The following LTBP4 variants were observed in gnomAD, a reference collection of about 807,000 sequenced individuals.
LTBP4 encodes the protein latent transforming growth factor beta binding protein 4, also known as latent-transforming growth factor beta-binding protein 4.
LTBP4 carries 93 observed loss-of-function variants against 180.2 expected under a neutral mutation model. The ratio of observed to expected loss-of-function variants is 0.52; its 90% CI spans 0.44 to 0.61. The LOEUF is 0.61. Among genes scored for constraint, LTBP4 ranks in the 20% least tolerant of loss-of-function variants. The pLI, the probability that LTBP4 is intolerant of heterozygous loss-of-function variation, is 0.00. For missense variants in LTBP4, 2,116 were observed against 2,256.5 expected (o/e 0.94, Z 1.26); for synonymous variants, 947 against 934.5 (o/e 1.01, Z -0.24).
In LTBP4 at chr19:40,627,005, G is replaced by A. The variant is rs757090322; in HGVS notation, c.4016G>A (p.Arg1339His). The A allele has an allele frequency of 3.8e-6, 6 of 1,586,772 alleles. No homozygotes were observed. In the South Asian group the frequency reaches 4.5e-5, roughly 12 times the overall value. Residue 1339 changes from arginine to histidine, a missense_variant, in exon 28 of 30, where the codon CGC becomes CAC. Physicochemically the swap from Arg to His is conservative, Grantham distance 29. Transcript: ENST00000396819. ...DDFEALCNVL[R>H]PPAYSPPRPG... is the part of the protein sequence containing the mutation. ...TTCGAGGCCCTGTGCAATGTGCTAC[G>A]CCCCCCCGCATATAGCCCCCCGCGA...
chr19:40,601,276 G>A (rs1444923414), upstream of LTBP4: 1 of 848,422 alleles, frequency 1.2e-6, no homozygotes, highest in East Asian at 1.2e-4. Context: ...TGGTGAGGAG[G>A]GGGGGCCTGA....
At position 40,609,905 on chromosome 19, in the gene LTBP4, C is replaced by A; in HGVS notation, c.1684+34C>A. ...TTTGCCCCACCCGGCTCCAGGCCCA[C>A]CCCAGGGTCTCGCTCCTGCTCTCAC... is the stretch of plus-strand genomic sequence containing the variant. On this transcript the variant is annotated intron_variant, in intron 11 of 29. Coordinates refer to ENST00000396819, the MANE Select transcript of LTBP4 (RefSeq NM_001042545.2). This position sits in a 1 kb window ranked among gnomAD's most constrained non-coding sequence, Gnocchi z 4.9. 6 of 1,496,286 alleles carry A rather than the reference C, an allele frequency of 4.0e-6. No homozygotes were observed. The highest frequency in any genetic ancestry group is 1.4e-5 in the African/African-American group (1 of 72,150). The allele number at this position is 1,496,286 out of a possible 1,614,324, so 92.7% of individuals were successfully genotyped here.
Position 40,622,643 on chromosome 19 carries a change from C to T in LTBP4, c.3460C>T (p.Gln1154Ter). 6.2e-7 allele frequency: 1 copy of T among 1,606,336 alleles called. No homozygotes were observed. The highest frequency in any genetic ancestry group is 8.5e-7 in the Non-Finnish European group (1 of 1,175,666). The part of the protein sequence containing the change: ...GEGWGSGCRI[Q>*]QCPGTETAEY... ...GGGCTGGGGCAGCGGCTGCCGCATC[C>T]AGCAGTGCCCGGGCACCGAGACAGG... Residue 1154 changes from glutamine to a stop codon, truncating the protein, a stop_gained, in exon 23 of 30, where the codon CAG becomes TAG. Transcript: ENST00000396819. LOFTEE classifies it high-confidence loss of function. This position sits in a 1 kb window ranked among gnomAD's most constrained non-coding sequence, Gnocchi z 5.1.
intron 26 of LTBP4, 51 bp downstream of exon 26, chr19:40,624,133 A>G: frequency 6.8e-7 from 1 of 1,469,122 alleles, no homozygotes; most frequent in Non-Finnish European, 9.0e-7. Context: ...TCGGCCTCAC[A>G]CCCGCACCCG....
chr19:40,623,725 G>T lies in LTBP4; in HGVS notation c.3678G>T (p.Glu1226Asp), dbSNP rs2081603914. The stretch of plus-strand genomic sequence containing the variant: ...ACTACTACCACACACAGCGGCTGGA[G>T]TGCATCGGTACAAGCCCCACCTCCC... The part of the protein sequence containing the change: ...NGYYYHTQRL[E>D]CIDNDECADE... The change falls in exon 25 of 30, where the codon GAG becomes GAT. Residue 1226 changes from glutamate (E) to aspartate (D), a missense_variant. This residue lies in a region of LTBP4 where 278 missense variants were observed against 373.0 expected (regional missense o/e 0.75). Coordinates refer to ENST00000396819, the MANE Select transcript of LTBP4 (RefSeq NM_001042545.2). 1 of 1,613,886 alleles carries T rather than the reference G, an allele frequency of 6.2e-7. No individual in the cohort carries two copies. The highest frequency in any genetic ancestry group is 8.5e-7 in the Non-Finnish European group (1 of 1,179,872).
At chr19:40,621,968 C>G (rs757712502) in intron 22 of LTBP4, among the ~76,000 whole-genome samples, 1 of 152,146 alleles carries the variant, frequency 6.6e-6, no homozygotes, top group Non-Finnish European at 1.5e-5. Context: ...AGGCTGGTCT[C>G]GAACTCCTGA....
In LTBP4 at chr19:40,601,510, C is replaced by G. The variant is rs370611661; in HGVS notation, c.123C>G (p.Cys41Trp). ...RLRVRFTPVV[C>W]GLRCVHGPTG... is the part of the protein sequence containing the mutation. Reference sequence around the variant, plus strand: ...GCGTGCGCTTCACCCCGGTCGTGTGCGGCCTGCGCTGCGTCCATGGGCCGA... The same window carrying G: ...GCGTGCGCTTCACCCCGGTCGTGTGGGGCCTGCGCTGCGTCCATGGGCCGA... Residue 41 changes from cysteine (C) to tryptophan (W), a missense_variant, in exon 1 of 30, where the codon TGC becomes TGG. Transcript: ENST00000396819. 1 of 1,497,514 alleles carries G rather than the reference C, an allele frequency of 6.7e-7. No individual in the cohort carries two copies. The highest frequency in any genetic ancestry group is 8.8e-7 in the Non-Finnish European group (1 of 1,130,220). 92.8% of individuals were successfully genotyped at this position (1,497,514 alleles called of 1,614,324 possible).
intron 29 of LTBP4, among the ~76,000 whole-genome samples, chr19:40,628,768 C>T (rs1018682242): frequency 1.3e-5 from 2 of 152,124 alleles, no homozygotes; most frequent in East Asian, 3.9e-4. Context: ...ATTAGAAGGA[C>T]AAAGTTAATA....
Position 40,609,960 on chromosome 19 carries a change from C to G in LTBP4, c.1684+89C>G, listed in dbSNP as rs2081493068. 5 of 1,432,392 alleles carry G rather than the reference C, an allele frequency of 3.5e-6. No homozygotes were observed. The highest frequency in any genetic ancestry group is 3.7e-6 in the Non-Finnish European group (4 of 1,090,382). The allele number at this position is 1,432,392 out of a possible 1,614,324, so 88.7% of individuals were successfully genotyped here. A position where few individuals can be genotyped will look rare whatever the true frequency, so the allele number is the denominator to read the frequency against. ...GAGCCTCTCCAGCCCTCCCACGCTT[C>G]CCCTCTCGGGTCCCGCCCCAGGACT... On this transcript the variant is annotated intron_variant, in intron 11 of 29. Coordinates refer to ENST00000396819, the MANE Select transcript of LTBP4 (RefSeq NM_001042545.2). This position sits in a 1 kb window ranked among gnomAD's most constrained non-coding sequence, Gnocchi z 4.9.
At position 40,613,416 on chromosome 19, in the gene LTBP4, G is replaced by C. The variant is rs1166793106; in HGVS notation, c.2444G>C (p.Cys815Ser). 6.2e-7 allele frequency: 1 copy of C among 1,606,374 alleles called. No homozygotes were observed. The highest frequency in any genetic ancestry group is 2.2e-5 in the East Asian group (1 of 44,538). Residue 815 changes from cysteine to serine, a missense_variant, in exon 17 of 30, where the codon TGC (cysteine) becomes TCC (serine). Physicochemically the swap from Cys to Ser is moderately radical, Grantham distance 112. Around this residue, in one of 5 missense-constraint regions of LTBP4, gnomAD observed 877 missense variants for 873.6 expected, o/e 1.00. Transcript: ENST00000396819. The surrounding 1 kb of genome is among the most constrained non-coding windows in gnomAD (Gnocchi z 5.0). ...RPGPCADVNE[C>S]LEGDFCFPHG... ...CCGCGTACCCTAGACGTGAACGAGT[G>C]CCTGGAGGGCGATTTCTGCTTCCCT...
At position 40,607,430 on chromosome 19, in the gene LTBP4, C is replaced by T. The variant is rs2081471419; in HGVS notation, c.1057C>T (p.Leu353=). The change falls in exon 7 of 30, where the codon CTG becomes TTG. Residue 353 remains leucine, a synonymous_variant. Coordinates refer to ENST00000396819, the MANE Select transcript of LTBP4 (RefSeq NM_001042545.2). Reference sequence around the variant, plus strand: ...CGTGCTCCGCGACGGCGGCTGTTCGCTGCCCATTCTGCGGAACATCACTAA... The same window carrying T: ...CGTGCTCCGCGACGGCGGCTGTTCGTTGCCCATTCTGCGGAACATCACTAA... ...FRVLRDGGCS[L]PILRNITKQI... 6.2e-7 allele frequency: 1 copy of T among 1,613,158 alleles called. No individual in the cohort carries two copies. Among genetic ancestry groups the T allele is most frequent in the South Asian group, 1.1e-5 (1 of 90,940 alleles).
chr19:40,611,283 G>A lies in LTBP4; in HGVS notation c.1942G>A (p.Ala648Thr). 1 of 1,611,838 alleles carries A rather than the reference G, an allele frequency of 6.2e-7. No individual in the cohort carries two copies. Among genetic ancestry groups the A allele is most frequent in the Admixed American group, 1.7e-5 (1 of 59,662 alleles). The stretch of plus-strand genomic sequence containing the variant: ...GTGTGAAGAGGATGTGGATGAGTGT[G>A]CCCAGGAGCCGCCGCCCTGTGGGCC... The part of the protein sequence containing the change: ...SACEEDVDEC[A>T]QEPPPCGPGR... The change falls in exon 13 of 30, where the codon GCC (alanine) becomes ACC (threonine). Residue 648 changes from alanine (A) to threonine (T), a missense_variant. Physicochemically the swap from Ala to Thr is moderately conservative, Grantham distance 58. This residue lies in a region of LTBP4 where 877 missense variants were observed against 873.6 expected (regional missense o/e 1.00). Transcript: ENST00000396819. The surrounding 1 kb of genome is among the most constrained non-coding windows in gnomAD (Gnocchi z 4.4).
intron 6 of LTBP4, 87 bp from the exon 7 acceptor site, chr19:40,607,278 C>CCCCCCA: frequency 8.9e-7 from 1 of 1,119,232 alleles, no homozygotes; most frequent in East Asian, 3.0e-5. Flanking sequence ...ACCCCCAACC[C>CCCCCCA]CAGAACCATT....
At chr19:40,604,860 C>A (rs1409761364) in intron 1 of LTBP4, among the ~76,000 whole-genome samples, 175 bp from the exon 2 acceptor site, 3 of 152,104 alleles carry the variant, frequency 2.0e-5, no homozygotes, top group Non-Finnish European at 4.4e-5. Context: ...TGGGACCGTA[C>A]CTCTGATGGC....
intron 6 of LTBP4, 53 bp downstream of exon 6, chr19:40,606,579 A>G: frequency 2.0e-6 from 3 of 1,531,336 alleles, no homozygotes; most frequent in Non-Finnish European, 2.6e-6. Context: ...TGCCCTCAGA[A>G]GTCCCAGAGC....
upstream of LTBP4, chr19:40,599,657 C>T: frequency 5.2e-6 from 6 of 1,145,444 alleles, no homozygotes; most frequent in Non-Finnish European, 7.6e-6. Context: ...CTCTCTCCCC[C>T]CTCCCTCCCC....
intron 11 of LTBP4, 168 bp from the exon 12 acceptor site, chr19:40,610,364 C>CA (rs2081496665): frequency 1.3e-6 from 1 of 747,146 alleles, no homozygotes; most frequent in Non-Finnish European, 2.1e-6. Flanking sequence ...CCCTGCCCTC[C>CA]ACAATTGCCT....
At chr19:40,606,651 G>C in intron 6 of LTBP4, 125 bp downstream of exon 6, 1 of 1,217,672 alleles carries the variant, frequency 8.2e-7, no homozygotes, top group Non-Finnish European at 1.1e-6. Context: ...GTCAGCCTTA[G>C]AGCCCCCTCA....
chr19:40,596,105 A>G (rs1443756010), intron 1 of LTBP4, among the ~76,000 whole-genome samples: 4 of 151,754 alleles, frequency 2.6e-5, no homozygotes, highest in Non-Finnish European at 4.4e-5. Context: ...ATTTTTTAGT[A>G]GAGATGGGGT....
Sources: allele counts gnomAD v4.1 joint callset (sites outside exome capture counted in the v4.1 genomes callset), GRCh38; gene constraint gnomAD v4.1.1; regional missense constraint gnomAD v4.1.1; non-coding constraint Gnocchi (gnomAD v3.1); transcripts MANE v1.5; gene names NCBI Gene and HGNC (gene_info 2026-07-23, HGNC 2026-07-21).